Variants in SFI1 observed in about 807,000 individuals in gnomAD.
SFI1 encodes the protein protein SFI1 homolog.
In SFI1, 195 loss-of-function variants were observed where a neutral mutation model predicts 207.5. That is an observed-to-expected ratio of 0.94 (90% confidence interval 0.84 to 1.06). SFI1 has a LOEUF of 1.06. SFI1 is among the 50% of genes least tolerant of loss of function. The probability of loss-of-function intolerance (pLI) is 0.00; values close to 1 mark genes in which losing one functional copy is unlikely to be tolerated. For synonymous variants in SFI1, 630 were observed against 598.9 expected (o/e 1.05, Z -0.76); for missense variants, 1,634 against 1,588.0 (o/e 1.03, Z -0.49).
At position 31,603,787 on chromosome 22, in the gene SFI1, C is replaced by T; in HGVS notation, c.1849C>T (p.Leu617Phe). The T allele has an allele frequency of 6.4e-7, 1 of 1,556,574 alleles. No homozygotes were observed. The highest frequency in any genetic ancestry group is 1.2e-5 in the South Asian group (1 of 81,398). ...GGCAGCAGAATTCCACATGGCCCAG[C>T]TCCTGCGTTGGGCCTGGAGCCAGTG... ...VRAAEFHMAQ[L>F]LRWAWSQWRE... Residue 617 changes from leucine to phenylalanine, a missense_variant, in exon 18 of 33, where the codon CTC (leucine) becomes TTC (phenylalanine). Physicochemically the swap from Leu to Phe is conservative, Grantham distance 22 (BLOSUM62 0). Transcript: ENST00000400288.
At chr22:31,567,740 A>G (rs1261834419) in intron 8 of SFI1, among the ~76,000 whole-genome samples, 7 of 152,238 alleles carry the variant, frequency 4.6e-5, no homozygotes, top group African/African-American at 1.7e-4. Context: ...GGAACTATGC[A>G]TATATTTTAT....
At chr22:31,612,953 T>C in intron 24 of SFI1, 189 bp from the exon 25 acceptor site, 2 of 596,904 alleles carry the variant, frequency 3.4e-6, no homozygotes, top group Non-Finnish European at 5.8e-6. Flanking sequence ...TGAAGGTCAT[T>C]CCTCAGGCCA....
chr22:31,581,769 GA>G (rs1254323900), intron 12 of SFI1, among the ~76,000 whole-genome samples: 1 of 151,206 alleles, frequency 6.6e-6, no homozygotes, highest in Non-Finnish European at 1.5e-5. Flanking sequence ...AGAAAAATAG[GA>G]AAAAAAAGTA....
At chr22:31,604,128 C>T (rs765240987) in intron 18 of SFI1, among the ~76,000 whole-genome samples, 181 bp from the exon 19 acceptor site, 14 of 152,134 alleles carry the variant, frequency 9.2e-5, no homozygotes, top group East Asian at 1.9e-4. Context: ...GAGCTTTTAC[C>T]GCAAATCAAG....
intron 14 of SFI1, among the ~76,000 whole-genome samples, chr22:31,589,221 TGTG>T (rs2065476416): frequency 6.6e-6 from 1 of 151,398 alleles, no homozygotes; most frequent in Non-Finnish European, 1.5e-5. Context: ...CGTGTGTGTG[TGTG>T]TGTGTGTGTG....
At chr22:31,556,648 C>G (rs1415385296) in intron 6 of SFI1, among the ~76,000 whole-genome samples, 1 of 152,154 alleles carries the variant, frequency 6.6e-6, no homozygotes, top group African/African-American at 2.4e-5. Flanking sequence ...ATCATTTCGT[C>G]TAAAAATTGC....
chr22:31,546,713 C>T (rs943697836), intron 4 of SFI1, 148 bp from the exon 5 acceptor site: 23 of 352,962 alleles, frequency 6.5e-5, no homozygotes, highest in Middle Eastern at 8.4e-4. Flanking sequence ...GTGATCCACC[C>T]GCCTCAGCCT....
intron 6 of SFI1, chr22:31,550,569 A>C: frequency 6.7e-6 from 3 of 447,052 alleles, no homozygotes; most frequent in Non-Finnish European, 4.0e-6. Context: ...AGCCCTTAAA[A>C]CTCATTTAAT....
chr22:31,604,409 G>A lies in SFI1; in HGVS notation c.1977+5G>A. On this transcript the variant is annotated splice_donor_5th_base_variant and intron_variant, in intron 19 of 32. Transcript: ENST00000400288. The stretch of plus-strand genomic sequence containing the variant: ...AGGGCGCTGCAGGCATGGGTGGTAG[G>A]AACTGCTGCTTCCCTCCTGATCTTG... 1.3e-6 allele frequency: 2 copies of A among 1,516,708 alleles called. No homozygotes were observed. The highest frequency in any genetic ancestry group is 8.8e-7 in the Non-Finnish European group (1 of 1,134,734). The allele number at this position is 1,516,708 out of a possible 1,614,324, so 94.0% of individuals were successfully genotyped here.
intron 15 of SFI1, among the ~76,000 whole-genome samples, chr22:31,590,951 TTTTATTTATTTATTTATTTA>T (rs200262154): frequency 1.7e-4 from 25 of 144,278 alleles, no homozygotes; most frequent in African/African-American, 6.5e-4. Flanking sequence ...ACTTTTTTCT[TTTTATTTATTTATTTATTTA>T]TTTATTTATT....
chr22:31,541,139 C>T (rs773146703), intron 4 of SFI1, among the ~76,000 whole-genome samples: 117 of 152,130 alleles, frequency 7.7e-4, no homozygotes, highest in Non-Finnish European at 1.5e-3. Context: ...GTCCACAGCT[C>T]CTCGCCTCCT....
intron 3 of SFI1, 145 bp downstream of exon 3, chr22:31,529,008 A>AAAGG (rs1283102176): frequency 5.3e-6 from 4 of 761,362 alleles, no homozygotes; most frequent in African/African-American, 1.7e-5. Context: ...GTTCAGATGA[A>AAAGG]AAGGATATTC....
intron 2 of SFI1, among the ~76,000 whole-genome samples, chr22:31,524,751 A>G (rs1174411352): frequency 2.1e-5 from 3 of 146,160 alleles, no homozygotes; most frequent in African/African-American, 7.6e-5. Flanking sequence ...TATATTCTGC[A>G]TATTAATCCT....
Position 31,498,738 on chromosome 22 carries a change from A to G in SFI1, c.-31+2101A>G, listed in dbSNP as rs754614874. Among the ~76,000 whole-genome samples the G allele has an allele frequency of 2.6e-5, 4 of 152,266 alleles. No individual in the cohort carries two copies. In the East Asian group the frequency reaches 7.7e-4, roughly 29 times the overall value. ...AGAGACTCAAGACCCGAGTGGAGGA[A>G]GTAACTGCAGATATGATAGAAAAAT... On this transcript the variant is annotated intron_variant, in intron 1 of 32. Coordinates refer to ENST00000400288, the MANE Select transcript of SFI1 (RefSeq NM_001007467.3).
chr22:31,559,859 TG>T, intron 7 of SFI1: 1 of 680,144 alleles, frequency 1.5e-6, no homozygotes. Context: ...GCACCACTTC[TG>T]GGGCCTTCGT....
At position 31,580,299 on chromosome 22, in the gene SFI1, A is replaced by G. The variant is rs1375109979; in HGVS notation, c.1183A>G (p.Asn395Asp). ...LYFCFRALKD[N>D]VTHAHLQQIR... Reference sequence around the variant, plus strand: ...TTTTTGCTTTAGAGCCCTAAAAGACAATGTGACCCACGCTCATCTCCAGCA... The same window carrying G: ...TTTTTGCTTTAGAGCCCTAAAAGACGATGTGACCCACGCTCATCTCCAGCA... The change falls in exon 12 of 33, where the codon AAT (asparagine) becomes GAT (aspartate). Residue 395 changes from asparagine (N) to aspartate (D), a missense_variant. Asn to Asp is a conservative substitution (Grantham distance 23). Coordinates refer to ENST00000400288, the MANE Select transcript of SFI1 (RefSeq NM_001007467.3). 6 of 1,613,918 alleles carry G rather than the reference A, an allele frequency of 3.7e-6. No individual in the cohort carries two copies. Among genetic ancestry groups the G allele is most frequent in the Non-Finnish European group, 5.1e-6 (6 of 1,179,926 alleles).
intron 6 of SFI1, among the ~76,000 whole-genome samples, chr22:31,554,923 C>T (rs1261385724): frequency 6.6e-6 from 1 of 152,096 alleles, no homozygotes; most frequent in Non-Finnish European, 1.5e-5. Flanking sequence ...ATCTTTGCCC[C>T]ACAGATTATT....
At chr22:31,616,335 C>G (rs959734984) in intron 29 of SFI1, 2 of 168,344 alleles carry the variant, frequency 1.2e-5, no homozygotes, top group African/African-American at 2.4e-5. Context: ...CCACTCTCAC[C>G]AGGAGAGGAG....
chr22:31,584,432 GA>G (rs1308444159), intron 13 of SFI1, among the ~76,000 whole-genome samples: 1 of 152,084 alleles, frequency 6.6e-6, no homozygotes, highest in Admixed American at 6.6e-5. Flanking sequence ...AGTATAAAGG[GA>G]AAAATAAAAG....
Sources: gnomAD v4.1 joint callset for allele counts (sites outside exome capture counted in the v4.1 genomes callset) on GRCh38, gnomAD v4.1.1 for gene constraint, MANE v1.5 for transcripts, NCBI Gene and HGNC (gene_info 2026-07-23, HGNC 2026-07-21) for gene names.